The following ACSS3 variants were observed in gnomAD, a reference collection of about 807,000 sequenced individuals.
ACSS3 encodes acyl-CoA synthetase short chain family member 3, also known as acyl-CoA synthetase short-chain family member 3, mitochondrial.
Under a neutral mutation model 84.2 loss-of-function variants are expected in ACSS3, and 64 were observed. The ratio of observed to expected loss-of-function variants is 0.76; its 90% confidence interval spans 0.62 to 0.94. ACSS3 has a LOEUF of 0.94. Ranked by LOEUF, ACSS3 falls within the 40% of genes least tolerant of loss-of-function variation. ACSS3 has a pLI of 0.00. For missense variants in ACSS3, 815 were observed against 867.6 expected, an observed-to-expected ratio of 0.94 and a Z score of 0.76; for synonymous variants, 317 against 310.1, an observed-to-expected ratio of 1.02 and a Z score of -0.23.
At chr12:81,213,957 C>CTCTCCCTCTCTCTCTTTCTTTCTT in intron 9 of ACSS3, among the ~76,000 whole-genome samples, 1 of 49,146 alleles carries the variant, frequency 2.0e-5, no homozygotes, top group African/African-American at 7.1e-5. Flanking sequence ...CTCCCTCTCT[C>CTCTCCCTCTCTCTCTTTCTTTCTT]TCTTTCTTTC....
chr12:81,220,091 C>A lies in ACSS3; in HGVS notation c.1514+15C>A, dbSNP rs1166511231. The A allele has an allele frequency of 4.0e-6, 6 of 1,514,130 alleles. No individual in the cohort carries two copies. The highest frequency in any genetic ancestry group is 2.0e-5 in the Admixed American group (1 of 49,608). 93.8% of individuals were successfully genotyped at this position (1,514,130 alleles called of 1,614,324 possible). A position where few individuals can be genotyped will look rare whatever the true frequency, so the allele number is the denominator to read the frequency against. On this transcript the variant is annotated intron_variant, in intron 11 of 15. Transcript: ENST00000548058. ...ATTGTGGTAAAGTAAGCAAAAATTT[C>A]AATACTACTATATTAAAGGGCAAAA...
chr12:81,156,910 C>A (rs1886904333), intron 7 of ACSS3, among the ~76,000 whole-genome samples: 1 of 152,084 alleles, frequency 6.6e-6, no homozygotes. Context: ...ATTCCATGTG[C>A]CATCTACTAA....
At chr12:81,248,784 A>G (rs186488188) in intron 13 of ACSS3, among the ~76,000 whole-genome samples, 1 of 152,130 alleles carries the variant, frequency 6.6e-6, no homozygotes, top group Non-Finnish European at 1.5e-5. Flanking sequence ...TGATCATTAC[A>G]CACTCTATGC....
intron 13 of ACSS3, among the ~76,000 whole-genome samples, chr12:81,252,685 A>AC (rs1432127652): frequency 1.3e-5 from 2 of 152,082 alleles, no homozygotes; most frequent in East Asian, 3.9e-4. Flanking sequence ...TCAGATAGAT[A>AC]CCAGCTTTGT....
chr12:81,100,812 G>A (rs1257792626), intron 1 of ACSS3, among the ~76,000 whole-genome samples: 1 of 152,190 alleles, frequency 6.6e-6, no homozygotes, highest in African/African-American at 2.4e-5. Flanking sequence ...AGGGAGGCAG[G>A]GAGGAGGATA....
chr12:81,210,421 G>A (rs1257813418), intron 9 of ACSS3, among the ~76,000 whole-genome samples: 1 of 152,092 alleles, frequency 6.6e-6, no homozygotes, highest in Non-Finnish European at 1.5e-5. Context: ...CAATTTAAGA[G>A]GACATTGAGA....
chr12:81,152,350 C>CGG (rs1555176259), intron 7 of ACSS3, among the ~76,000 whole-genome samples: 4 of 151,758 alleles, frequency 2.6e-5, no homozygotes, highest in Non-Finnish European at 5.9e-5. Context: ...CTATCCCTAA[C>CGG]ATTTCTAGAA....
chr12:81,141,701 T>C lies in ACSS3; in HGVS notation c.781-1406T>C, dbSNP rs1593120250. Among the ~76,000 whole-genome samples, 2 of 152,330 alleles carry C rather than the reference T, an allele frequency of 1.3e-5. 1 individual carries two copies. The highest frequency in any genetic ancestry group is 4.1e-4 in the South Asian group (2 of 4,826). On this transcript the variant is annotated intron_variant, in intron 4 of 15. Transcript: ENST00000548058. ...ATTTTTGTGATCCTCAATTTGATGT[T>C]TGTATTTTGCAGTGTGATGATTTTT...
chr12:81,107,399 G>T (rs1883103945), intron 1 of ACSS3, among the ~76,000 whole-genome samples: 6 of 149,574 alleles, frequency 4.0e-5, no homozygotes, highest in Admixed American at 4.0e-4. Flanking sequence ...AAGAATGGTA[G>T]AATAGAAGTC....
chr12:81,099,954 C>A (rs1304525546), intron 1 of ACSS3, among the ~76,000 whole-genome samples: 2 of 152,148 alleles, frequency 1.3e-5, no homozygotes, highest in East Asian at 1.9e-4. Context: ...GATATCCACA[C>A]ACGTTCACTG....
chr12:81,236,875 G>C (rs549184879), intron 13 of ACSS3, among the ~76,000 whole-genome samples: 1 of 151,190 alleles, frequency 6.6e-6, no homozygotes, highest in East Asian at 2.0e-4. Context: ...TTTTTTATAA[G>C]AGTGTCATTT....
rs979892245 is a variant in ACSS3, at chr12:81,232,396, A to C, written c.1597-953A>C. Among the ~76,000 whole-genome samples the C allele has an allele frequency of 5.3e-5, 8 of 151,934 alleles. No individual in the cohort carries two copies. In the South Asian group the frequency reaches 6.2e-4, roughly 12 times the overall value. ...AATAATAACAGAATAATAACAGCACAGAAGGGTTGAGTAACTTCCCGTGAG... is the reference window on the plus strand; with the variant it reads ...AATAATAACAGAATAATAACAGCACCGAAGGGTTGAGTAACTTCCCGTGAG... On this transcript the variant is annotated intron_variant, in intron 12 of 15. Coordinates refer to ENST00000548058, the MANE Select transcript of ACSS3 (RefSeq NM_024560.4).
chr12:81,162,780 C>G (rs937245412), intron 7 of ACSS3, among the ~76,000 whole-genome samples: 11 of 152,122 alleles, frequency 7.2e-5, no homozygotes, highest in African/African-American at 2.2e-4. Flanking sequence ...CCCTCCTGTG[C>G]TCGTTGACAC....
Position 81,103,210 on chromosome 12 carries a change from C to T in ACSS3, c.312-6350C>T, listed in dbSNP as rs111786467. On this transcript the variant is annotated intron_variant, in intron 1 of 15. Coordinates refer to ENST00000548058, the MANE Select transcript of ACSS3 (RefSeq NM_024560.4). ...CCTTGGGAAAAACTCGTAATGTAGTCCTCAACACAGAGGCAAACTATGAAA... is the reference window on the plus strand; with the variant it reads ...CCTTGGGAAAAACTCGTAATGTAGTTCTCAACACAGAGGCAAACTATGAAA... Among the ~76,000 whole-genome samples the T allele has an allele frequency of 5.2e-3, 785 of 152,248 alleles. 5 individuals are homozygous for T. The highest frequency in any genetic ancestry group is 0.014 in the African/African-American group (573 of 41,538).
At chr12:81,209,492 C>A (rs2032497493) in intron 9 of ACSS3, among the ~76,000 whole-genome samples, 1 of 151,834 alleles carries the variant, frequency 6.6e-6, no homozygotes, top group South Asian at 2.1e-4. Flanking sequence ...GATTCTGGTG[C>A]TCCAAGTCTC....
chr12:81,086,037 A>C (rs1881288782), intron 1 of ACSS3, among the ~76,000 whole-genome samples: 2 of 152,224 alleles, frequency 1.3e-5, no homozygotes, highest in South Asian at 2.1e-4. Context: ...TCCAGAAAGC[A>C]ATTTAATCCC....
intron 2 of ACSS3, among the ~76,000 whole-genome samples, chr12:81,123,639 G>T (rs1884829012): frequency 1.3e-5 from 2 of 151,944 alleles, no homozygotes; most frequent in Admixed American, 1.3e-4. Context: ...ATAGTCCCCA[G>T]TGCCCAGTGT....
intron 4 of ACSS3, among the ~76,000 whole-genome samples, chr12:81,141,935 G>A (rs971253113): frequency 4.6e-5 from 7 of 152,264 alleles, no homozygotes; most frequent in Middle Eastern, 3.4e-3. Flanking sequence ...AGCTATAAAT[G>A]TGTTAGCTAT....
chr12:81,088,530 G>A (rs1408927211), intron 1 of ACSS3, among the ~76,000 whole-genome samples: 2 of 151,882 alleles, frequency 1.3e-5, no homozygotes, highest in Non-Finnish European at 2.9e-5. Flanking sequence ...CATAGTATGC[G>A]CTAGATACAA....
Sources: allele counts gnomAD v4.1 joint callset (sites outside exome capture counted in the v4.1 genomes callset), GRCh38; gene constraint gnomAD v4.1.1; transcripts MANE v1.5; gene names NCBI Gene and HGNC (gene_info 2026-07-23, HGNC 2026-07-21).